Variants in WDFY3 observed in about 807,000 individuals in gnomAD.
The protein encoded by WDFY3 is WD repeat and FYVE domain containing 3, also known as WD repeat and FYVE domain-containing protein 3.
WDFY3 carries 66 observed loss-of-function variants against 409.6 expected under a neutral mutation model. The ratio of observed to expected loss-of-function variants is 0.16; its 90% CI spans 0.13 to 0.20. WDFY3 has a LOEUF of 0.20. Ranked by LOEUF, WDFY3 falls within the 10% of genes least tolerant of loss-of-function variation. The probability of loss-of-function intolerance (pLI) is 1.00; values close to 1 mark genes in which losing one functional copy is unlikely to be tolerated. For missense variants in WDFY3, 3,031 were observed against 4,298.1 expected, an observed-to-expected ratio of 0.71 and a Z score of 8.24; for synonymous variants, 1,521 against 1,537.1, an observed-to-expected ratio of 0.99 and a Z score of 0.25.
chr4:84,783,149 C>T (rs1746867533), intron 24 of WDFY3, 75 bp from the exon 25 acceptor site: 1 of 1,301,344 alleles, frequency 7.7e-7, no homozygotes, highest in Admixed American at 1.8e-5. Flanking sequence ...AGAAACCAAA[C>T]ACATGAATGG....
chr4:84,857,268 T>C (rs930857962), intron 4 of WDFY3, among the ~76,000 whole-genome samples: 9 of 152,132 alleles, frequency 5.9e-5, no homozygotes, highest in South Asian at 2.1e-4. Flanking sequence ...TTTAAGTAGA[T>C]AGAGAATAAT....
At chr4:84,784,871 TATATATATATATATATATATAC>T (rs1560752828) in intron 24 of WDFY3, among the ~76,000 whole-genome samples, 2 of 66,852 alleles carry the variant, frequency 3.0e-5, no homozygotes, top group African/African-American at 1.1e-4. Flanking sequence ...TATATATATA[TATATATATATATATATATATAC>T]ACACACACAC....
chr4:84,709,717 TTC>T (rs1468046433), intron 51 of WDFY3, among the ~76,000 whole-genome samples: 6 of 152,184 alleles, frequency 3.9e-5, no homozygotes, highest in African/African-American at 9.7e-5. Flanking sequence ...TAGTTCAACT[TTC>T]TGTTTGTTTT....
intron 1 of WDFY3, among the ~76,000 whole-genome samples, chr4:84,937,992 C>G (rs886455485): frequency 3.3e-5 from 5 of 152,062 alleles, no homozygotes; most frequent in African/African-American, 4.8e-5. Context: ...GCATAGTACT[C>G]TTATGCTTTG....
intron 62 of WDFY3, among the ~76,000 whole-genome samples, chr4:84,686,863 C>T (rs1728415533): frequency 6.6e-6 from 1 of 152,148 alleles, no homozygotes; most frequent in South Asian, 2.1e-4. Flanking sequence ...CCTCAAGCTT[C>T]CCGTTTCAAG....
At chr4:84,763,187 T>G (rs1743005371) in intron 32 of WDFY3, among the ~76,000 whole-genome samples, 1 of 152,176 alleles carries the variant, frequency 6.6e-6, no homozygotes, top group African/African-American at 2.4e-5. Flanking sequence ...CATGAAAGAT[T>G]TTTATGGCAG....
intron 37 of WDFY3, among the ~76,000 whole-genome samples, 161 bp downstream of exon 37, chr4:84,743,539 C>T (rs1341223285): frequency 6.6e-6 from 1 of 152,034 alleles, no homozygotes; most frequent in African/African-American, 2.4e-5. Flanking sequence ...TGTACTCCTG[C>T]TACATGCAAC....
chr4:84,798,016 C>T lies in WDFY3; in HGVS notation c.2915G>A (p.Ser972Asn). 4.3e-6 allele frequency: 7 copies of T among 1,611,814 alleles called. No individual in the cohort carries two copies. The highest frequency in any genetic ancestry group is 5.9e-6 in the Non-Finnish European group (7 of 1,179,162). ...CTTACTTCTCATTTCTGGTTCATAA[C>T]TCAGTGAACTTGGTTTGTGGACCCT... is the stretch of plus-strand genomic sequence containing the variant. ...QYRVHKPSSL[S>N]YEPEMRSSMI... Residue 972 changes from serine (S) to asparagine (N), a missense_variant, in exon 18 of 68, where the codon AGT (serine) becomes AAT (asparagine). Coordinates refer to ENST00000295888, the MANE Select transcript of WDFY3 (RefSeq NM_014991.6).
intron 2 of WDFY3, among the ~76,000 whole-genome samples, chr4:84,900,316 A>G (rs1246901013): frequency 2.0e-5 from 3 of 152,016 alleles, no homozygotes; most frequent in Non-Finnish European, 4.4e-5. Flanking sequence ...CCCTCGAACT[A>G]CTGGACTCAA....
intron 36 of WDFY3, chr4:84,751,263 T>TA: frequency 1.7e-6 from 1 of 579,368 alleles, no homozygotes; most frequent in Non-Finnish European, 3.0e-6. Context: ...GAAAGGATGA[T>TA]AAAGGACTGA....
intron 7 of WDFY3, among the ~76,000 whole-genome samples, chr4:84,833,054 G>A (rs1433573024): frequency 6.6e-6 from 1 of 151,628 alleles, no homozygotes; most frequent in African/African-American, 2.4e-5. Context: ...AAAACCTAAA[G>A]TCTGGCTTTC....
intron 5 of WDFY3, among the ~76,000 whole-genome samples, chr4:84,847,062 T>C (rs941456379): frequency 4.6e-5 from 7 of 151,980 alleles, no homozygotes; most frequent in South Asian, 2.1e-4. Flanking sequence ...GGAGTACGCA[T>C]TGAGGGGCAC....
intron 3 of WDFY3, among the ~76,000 whole-genome samples, chr4:84,891,827 C>T (rs531625686): frequency 6.6e-6 from 1 of 152,232 alleles, no homozygotes; most frequent in South Asian, 2.1e-4. Flanking sequence ...TCTATGATGG[C>T]TCTAGAGTAT....
chr4:84,831,819 T>C (rs945090397), intron 7 of WDFY3, among the ~76,000 whole-genome samples: 5 of 152,152 alleles, frequency 3.3e-5, no homozygotes, highest in Non-Finnish European at 5.9e-5. Context: ...GAATGGCTAT[T>C]ATCAAAGATA....
intron 47 of WDFY3, among the ~76,000 whole-genome samples, chr4:84,720,498 G>A (rs890170471): frequency 1.1e-4 from 16 of 152,160 alleles, no homozygotes; most frequent in African/African-American, 3.4e-4. Context: ...ATTGTTGGAG[G>A]TGCGGCCTTA....
In WDFY3 at chr4:84,837,079, G is replaced by A. The variant is rs753132417; in HGVS notation, c.426C>T (p.Asp142=). ...LLASSGQKTV[D]CMTTMSVPST... ...AAGGCACTGACATTGTTGTCATGCAGTCCACGGTTTTCTGGAAAACAAGCC... is the reference window on the plus strand; with the variant it reads ...AAGGCACTGACATTGTTGTCATGCAATCCACGGTTTTCTGGAAAACAAGCC... Residue 142 remains aspartate, a synonymous_variant, in exon 7 of 68, where the codon GAC becomes GAT. Transcript: ENST00000295888. 3 of 1,523,284 alleles carry A rather than the reference G, an allele frequency of 2.0e-6. No homozygotes were observed. 94.4% of individuals were successfully genotyped at this position (1,523,284 alleles called of 1,614,324 possible). A position where few individuals can be genotyped will look rare whatever the true frequency, so the allele number is the denominator to read the frequency against.
intron 7 of WDFY3, among the ~76,000 whole-genome samples, chr4:84,833,693 G>GAAAAGAA (rs1560879195): frequency 1.2e-3 from 146 of 122,096 alleles, no homozygotes; most frequent in East Asian, 5.5e-3. Flanking sequence ...AAAGAAAAGA[G>GAAAAGAA]AAGAGAAGAG....
chr4:84,746,746 T>C (rs1031029807), intron 36 of WDFY3, among the ~76,000 whole-genome samples: 3 of 152,172 alleles, frequency 2.0e-5, no homozygotes, highest in Admixed American at 6.5e-5. Flanking sequence ...TTCACTGGAC[T>C]ACTGTTTTGT....
chr4:84,955,908 T>C (rs1229129066), intron 1 of WDFY3, among the ~76,000 whole-genome samples: 2 of 152,204 alleles, frequency 1.3e-5, no homozygotes, highest in East Asian at 1.9e-4. Context: ...GTGAAATTTA[T>C]GTGTGTGGAT....
Sources: allele counts gnomAD v4.1 joint callset (sites outside exome capture counted in the v4.1 genomes callset), GRCh38; gene constraint gnomAD v4.1.1; transcripts MANE v1.5; gene names NCBI Gene and HGNC (gene_info 2026-07-23, HGNC 2026-07-21).